ZNF638: variants seen among roughly 807,000 people sequenced by gnomAD.
ZNF638 encodes CTCL tumor antigen se33-1.
ZNF638 carries 46 observed loss-of-function variants against 195.6 expected under a neutral mutation model. That is an observed-to-expected ratio of 0.24 (90% CI 0.19 to 0.30). ZNF638 has a LOEUF of 0.30. Ranked by LOEUF, ZNF638 falls within the 10% of genes least tolerant of loss-of-function variation. The pLI is 1.00. For missense variants in ZNF638, 2,440 were observed against 2,325.3 expected (o/e 1.05, Z -1.01); for synonymous variants, 845 against 772.0 (o/e 1.09, Z -1.57).
chr2:71,354,763 A>G (rs963734590), intron 2 of ZNF638, among the ~76,000 whole-genome samples: 2 of 151,898 alleles, frequency 1.3e-5, no homozygotes, highest in African/African-American at 4.8e-5. Flanking sequence ...AAAAAAAAAA[A>G]GAAGCATTTC....
At chr2:71,381,784 A>C (rs1429934321) in intron 10 of ZNF638, among the ~76,000 whole-genome samples, 4 of 152,190 alleles carry the variant, frequency 2.6e-5, no homozygotes, top group Non-Finnish European at 5.9e-5. Context: ...AGCTTTGTTT[A>C]GTCCACTGTT....
Position 71,396,204 on chromosome 2 carries a change from A to C in ZNF638, c.2428+13A>C, listed in dbSNP as rs2079890876. On this transcript the variant is annotated intron_variant, in intron 11 of 27. Coordinates refer to ENST00000264447, the MANE Select transcript of ZNF638 (RefSeq NM_014497.5). Reference sequence around the variant, plus strand: ...AACAAATCTACAGGTATGTTTTTTTAATTAGGATTCTAGACTATTAGTTAA... The same window carrying C: ...AACAAATCTACAGGTATGTTTTTTTCATTAGGATTCTAGACTATTAGTTAA... 1.2e-6 allele frequency: 2 copies of C among 1,608,064 alleles called. No individual in the cohort carries two copies. The highest frequency in any genetic ancestry group is 1.7e-6 in the Non-Finnish European group (2 of 1,177,250).
intron 21 of ZNF638, among the ~76,000 whole-genome samples, chr2:71,419,962 A>AACC (rs1553486375): frequency 3.5e-5 from 1 of 28,498 alleles, no homozygotes; most frequent in Non-Finnish European, 6.0e-5. Flanking sequence ...CTTAATTCCC[A>AACC]CCCCCCCCCG....
At chr2:71,383,560 G>GT (rs57987492) in intron 10 of ZNF638, among the ~76,000 whole-genome samples, 1,491 of 122,010 alleles carry the variant, frequency 0.012, 52 homozygotes, top group African/African-American at 0.042. Context: ...TTCCTGGGTG[G>GT]TTTTTTTTTT....
At chr2:71,378,342 A>G (rs1317369952) in intron 8 of ZNF638, among the ~76,000 whole-genome samples, 1 of 152,220 alleles carries the variant, frequency 6.6e-6, no homozygotes, top group African/African-American at 2.4e-5. Flanking sequence ...TAGCACTAGA[A>G]CTAATTTCTT....
At chr2:71,417,417 A>G (rs999108726) in intron 20 of ZNF638, among the ~76,000 whole-genome samples, 1 of 151,854 alleles carries the variant, frequency 6.6e-6, no homozygotes, top group African/African-American at 2.4e-5. Flanking sequence ...TCAGATGGAA[A>G]TGCAGAAATC....
intron 20 of ZNF638, 179 bp from the exon 21 acceptor site, chr2:71,418,423 T>C: frequency 2.5e-6 from 1 of 401,872 alleles, no homozygotes; most frequent in Non-Finnish European, 4.4e-6. Context: ...TTTGGAGGTC[T>C]TTAATTAGAA....
chr2:71,363,242 T>A, intron 4 of ZNF638, 51 bp downstream of exon 4: 1 of 1,320,126 alleles, frequency 7.6e-7, no homozygotes, highest in Admixed American at 2.2e-5. Context: ...CTTTTAAAAG[T>A]AAACAGTTAA....
chr2:71,419,974 C>CCTTT (rs1189202093), intron 21 of ZNF638, among the ~76,000 whole-genome samples: 4 of 27,020 alleles, frequency 1.5e-4, no homozygotes, highest in African/African-American at 3.2e-4. Flanking sequence ...CCCCCCCCGC[C>CCTTT]TTTTTTTTTT....
At chr2:71,378,864 C>T (rs1299050476) in intron 8 of ZNF638, among the ~76,000 whole-genome samples, 3 of 152,112 alleles carry the variant, frequency 2.0e-5, no homozygotes, top group African/African-American at 7.2e-5. Context: ...TTTGTAGCAT[C>T]TTAGAGGAGT....
intron 8 of ZNF638, chr2:71,375,778 A>C (rs1326746440): frequency 6.6e-6 from 1 of 152,244 alleles, no homozygotes; most frequent in Admixed American, 6.5e-5. Context: ...AGGCAAAGAA[A>C]GCCTAGCAGA....
intron 8 of ZNF638, 75 bp downstream of exon 8, chr2:71,370,080 A>T (rs908515262): frequency 1.2e-5 from 18 of 1,454,554 alleles, no homozygotes; most frequent in African/African-American, 1.1e-4. Flanking sequence ...TATGGCACAC[A>T]TATAGAAATA....
chr2:71,364,706 C>T (rs922971057), intron 5 of ZNF638, among the ~76,000 whole-genome samples: 1 of 152,076 alleles, frequency 6.6e-6, no homozygotes, highest in African/African-American at 2.4e-5. Flanking sequence ...ACTTGACTAG[C>T]CTGAAAAATT....
rs539333611 is a variant in ZNF638 at position 71,342,996 on chromosome 2, AC to A, written c.-202-5756del. On this transcript the variant is annotated intron_variant, in intron 1 of 27. Transcript: ENST00000264447. ...GTATTTTATCCAAAGACTTTAGGAT[AC>A]TCCAAATTTTTGAAAATTTGATAAA... 2.3e-4 allele frequency among the ~76,000 whole-genome samples: 35 copies of A among 152,308 alleles called. No homozygotes were observed. In the South Asian group the frequency reaches 6.4e-3, roughly 28 times the overall value.
Position 71,348,983 on chromosome 2 carries a change from G to T in ZNF638, c.29G>T (p.Gly10Val), listed in dbSNP as rs770168685. MSRPRFNPR[G>V]DFPLQRPRAP... ...TCGAGACCCAGGTTTAATCCTCGAG[G>T]AGACTTTCCACTTCAAAGGCCACGA... is the stretch of plus-strand genomic sequence containing the variant. The change falls in exon 2 of 28, where the codon GGA becomes GTA. Residue 10 changes from glycine (G) to valine (V), a missense_variant. Physicochemically the swap from Gly to Val is moderately radical, Grantham distance 109 (BLOSUM62 -3). Transcript: ENST00000264447. 9.3e-6 allele frequency: 15 copies of T among 1,614,008 alleles called. No individual in the cohort carries two copies. In the African/African-American group the frequency reaches 1.9e-4, roughly 20 times the overall value.
intron 24 of ZNF638, among the ~76,000 whole-genome samples, chr2:71,428,211 A>T (rs969229262): frequency 6.6e-6 from 1 of 152,148 alleles, no homozygotes; most frequent in Admixed American, 6.5e-5. Context: ...AAGAAAAAAA[A>T]CCTGAAAGAT....
chr2:71,422,118 C>T (rs2152601377), intron 21 of ZNF638, among the ~76,000 whole-genome samples: 1 of 152,066 alleles, frequency 6.6e-6, no homozygotes, highest in East Asian at 1.9e-4. Flanking sequence ...TAATGCATTT[C>T]TTCTTATAGC....
At chr2:71,369,115 G>A (rs112709891) in intron 7 of ZNF638, among the ~76,000 whole-genome samples, 6,314 of 152,106 alleles carry the variant, frequency 0.042, 225 homozygotes, top group African/African-American at 0.096. Flanking sequence ...CAGGTGGATC[G>A]CCTGAGATCA....
intron 10 of ZNF638, chr2:71,395,370 T>A (rs1034218015): frequency 2.3e-5 from 16 of 705,498 alleles, no homozygotes; most frequent in African/African-American, 2.1e-4. Context: ...AGGAGATCAG[T>A]CAGGGTGGTG....
Sources: gnomAD v4.1 joint callset for allele counts (sites outside exome capture counted in the v4.1 genomes callset) on GRCh38, gnomAD v4.1.1 for gene constraint, MANE v1.5 for transcripts, NCBI Gene and HGNC (gene_info 2026-07-23, HGNC 2026-07-21) for gene names.